OR2A25: variants seen among roughly 807,000 people sequenced by gnomAD.
OR2A25 encodes the protein olfactory receptor family 2 subfamily A member 25.
For missense variants in OR2A25, 362 were observed against 368.3 expected, an observed-to-expected ratio of 0.98 and a Z score of 0.14; for synonymous variants, 162 against 148.1, an observed-to-expected ratio of 1.09 and a Z score of -0.68.
At chr7:144,071,685 T>A (rs73156569) in intron 1 of OR2A25, among the ~76,000 whole-genome samples, 93 of 152,294 alleles carry the variant, frequency 6.1e-4, no homozygotes, top group Middle Eastern at 3.4e-3. Context: ...TGTGGATTTA[T>A]ATTTTGTGAT....
Position 144,074,822 on chromosome 7 carries a change from G to T in OR2A25, c.603G>T (p.Gly201=). The T allele has an allele frequency of 6.2e-7, 1 of 1,614,180 alleles. No individual in the cohort carries two copies. Among genetic ancestry groups the T allele is most frequent in the East Asian group, 2.2e-5 (1 of 44,888 alleles). The stretch of plus-strand genomic sequence containing the variant: ...TTAATGAGGTAATGGTTTTGGCAGG[G>T]GCAGTGTCTGTGCTGGTGGGAGCCT... ...THINEVMVLA[G]AVSVLVGAFF... Residue 201 remains glycine, a synonymous_variant, in exon 2 of 2, where the codon GGG becomes GGT. Transcript: ENST00000641663.
At position 144,075,264 on chromosome 7, in the gene OR2A25, T is replaced by C; in HGVS notation, c.*112T>C. On this transcript the variant is annotated 3_prime_UTR_variant, in exon 2 of 2. Coordinates refer to ENST00000641663, the MANE Select transcript of OR2A25 (RefSeq NM_001386096.1). ...CTCTAGAGAACCCTTTCCATCTTCT[T>C]GAAATTTTCCTATGACTACCTCCCG... is the stretch of plus-strand genomic sequence containing the variant. 1 of 814,552 alleles carries C rather than the reference T, an allele frequency of 1.2e-6. No individual in the cohort carries two copies. The highest frequency in any genetic ancestry group is 2.0e-6 in the Non-Finnish European group (1 of 511,848). The allele number at this position is 814,552 out of a possible 1,614,324, so 50.5% of individuals were successfully genotyped here. A position where few individuals can be genotyped will look rare whatever the true frequency, so the allele number is the denominator to read the frequency against.
chr7:144,072,091 T>C (rs1586890644), intron 1 of OR2A25, among the ~76,000 whole-genome samples: 1 of 152,236 alleles, frequency 6.6e-6, no homozygotes, highest in South Asian at 2.1e-4. Context: ...CTACTTTGAA[T>C]TATGATTCTT....
At chr7:144,073,300 A>G (rs1308410168) in intron 1 of OR2A25, among the ~76,000 whole-genome samples, 1 of 152,140 alleles carries the variant, frequency 6.6e-6, no homozygotes, top group Non-Finnish European at 1.5e-5. Flanking sequence ...GCCCAAGTAC[A>G]CAGATTTGAT....
At chr7:144,072,774 A>G (rs2051076617) in intron 1 of OR2A25, among the ~76,000 whole-genome samples, 1 of 152,176 alleles carries the variant, frequency 6.6e-6, no homozygotes, top group Non-Finnish European at 1.5e-5. Context: ...TGAACATATC[A>G]AAAAGATATC....
rs780503338 is a variant in OR2A25, at chr7:144,074,489, C to T, written c.270C>T (p.Pro90=). The change falls in exon 2 of 2, where the codon CCC becomes CCT. Residue 90 remains proline, a synonymous_variant. Transcript: ENST00000641663. Reference sequence around the variant, plus strand: ...TGAACCTCCTGCATCCAGCCAAGCCCATCTCCTTTGCTGGCTGCATGACCC... The same window carrying T: ...TGAACCTCCTGCATCCAGCCAAGCCTATCTCCTTTGCTGGCTGCATGACCC... ...MLVNLLHPAK[P]ISFAGCMTQM... 6.2e-7 allele frequency: 1 copy of T among 1,614,236 alleles called. No homozygotes were observed. Among genetic ancestry groups the T allele is most frequent in the South Asian group, 1.1e-5 (1 of 91,082 alleles).
intron 1 of OR2A25, among the ~76,000 whole-genome samples, chr7:144,070,927 G>A (rs777173424): frequency 1.3e-5 from 2 of 151,774 alleles, no homozygotes; most frequent in East Asian, 3.9e-4. Flanking sequence ...AGGGAATGAG[G>A]CACCCAGACC....
chr7:144,070,380 T>C (rs936557782), intron 1 of OR2A25: 1 of 152,146 alleles, frequency 6.6e-6, no homozygotes, highest in African/African-American at 2.4e-5. Flanking sequence ...TTGTTAATCC[T>C]GATGTAAAAT....
intron 1 of OR2A25, among the ~76,000 whole-genome samples, chr7:144,071,791 T>C (rs2051069078): frequency 6.6e-6 from 1 of 152,168 alleles, no homozygotes; most frequent in African/African-American, 2.4e-5. Flanking sequence ...AGTAGCATTG[T>C]TATCTTCATT....
rs1586892971 is a variant in OR2A25 at position 144,075,470 on chromosome 7, T to C, written c.*318T>C. ...GTAAATAAGACTTGAAGGCGAATTT[T>C]TGTAGAATAAGGATATGGGAGTTAG... On this transcript the variant is annotated 3_prime_UTR_variant, in exon 2 of 2. Transcript: ENST00000641663. The C allele has an allele frequency of 5.0e-6, 1 of 200,292 alleles. No individual in the cohort carries two copies. Among genetic ancestry groups the C allele is most frequent in the African/African-American group, 2.3e-5 (1 of 42,584 alleles). 12.4% of individuals were successfully genotyped at this position (200,292 alleles called of 1,614,324 possible).
At position 144,075,078 on chromosome 7, in the gene OR2A25, C is replaced by G. The variant is rs776164670; in HGVS notation, c.859C>G (p.Leu287Val). 6.2e-7 allele frequency: 1 copy of G among 1,614,110 alleles called. No individual in the cohort carries two copies. The highest frequency in any genetic ancestry group is 2.2e-5 in the East Asian group (1 of 44,872). ...CCTCTTCAATCCCATGCTTAATCCC[C>G]TAATTTATAGTCTTAGGAACAAGGA... is the stretch of plus-strand genomic sequence containing the variant. ...HSLFNPMLNP[L>V]IYSLRNKEVQ... Residue 287 changes from leucine to valine, a missense_variant, in exon 2 of 2, where the codon CTA (leucine) becomes GTA (valine). Transcript: ENST00000641663.
In OR2A25 at chr7:144,074,912, G is replaced by A; in HGVS notation, c.693G>A (p.Glu231=). 1 of 1,614,086 alleles carries A rather than the reference G, an allele frequency of 6.2e-7. No homozygotes were observed. Among genetic ancestry groups the A allele is most frequent in the Non-Finnish European group, 8.5e-7 (1 of 1,179,994 alleles). ...LCAILKIQSG[E]GCQKAFSICS... is the part of the protein sequence containing the mutation. ...CCATTCTAAAGATCCAGTCAGGAGA[G>A]GGGTGCCAGAAAGCCTTCTCCATCT... The change falls in exon 2 of 2, where the codon GAG becomes GAA. Residue 231 remains glutamate (E), a synonymous_variant. Coordinates refer to ENST00000641663, the MANE Select transcript of OR2A25 (RefSeq NM_001386096.1).
In OR2A25 at chr7:144,074,783, T is replaced by C; in HGVS notation, c.564T>C (p.Cys188=). The C allele has an allele frequency of 6.2e-7, 1 of 1,614,222 alleles. No individual in the cohort carries two copies. The highest frequency in any genetic ancestry group is 1.6e-4 in the Middle Eastern group (1 of 6,062). The change falls in exon 2 of 2, where the codon TGT becomes TGC. Residue 188 remains cysteine (C), a synonymous_variant. Coordinates refer to ENST00000641663, the MANE Select transcript of OR2A25 (RefSeq NM_001386096.1). ...TTATGGCTGTTCTCAAACTTGCCTG[T>C]GCGGATACCCACATTAATGAGGTAA... ...CEIMAVLKLA[C]ADTHINEVMV... is the part of the protein sequence containing the mutation.
rs2051109444 is a variant in OR2A25 at position 144,075,792 on chromosome 7, C to T, written c.*640C>T. On this transcript the variant is annotated 3_prime_UTR_variant, in exon 2 of 2. Coordinates refer to ENST00000641663, the MANE Select transcript of OR2A25 (RefSeq NM_001386096.1). ...CTTGCAGTGAGCTGAGATGGCGCCA[C>T]TGCACTCCAACCTGGGGGACACAGC... The T allele has an allele frequency of 6.8e-6, 1 of 148,058 alleles. No individual in the cohort carries two copies. Among genetic ancestry groups the T allele is most frequent in the Non-Finnish European group, 1.5e-5 (1 of 67,736 alleles). 9.2% of individuals were successfully genotyped at this position (148,058 alleles called of 1,614,324 possible). A position where few individuals can be genotyped will look rare whatever the true frequency, so the allele number is the denominator to read the frequency against.
At chr7:144,071,593 A>G (rs2051067518) in intron 1 of OR2A25, among the ~76,000 whole-genome samples, 1 of 152,134 alleles carries the variant, frequency 6.6e-6, no homozygotes, top group Admixed American at 6.6e-5. Flanking sequence ...CAACCAGGTT[A>G]CATGTGCCTA....
At chr7:144,070,631 G>A (rs1005298172) in intron 1 of OR2A25, among the ~76,000 whole-genome samples, 2 of 151,652 alleles carry the variant, frequency 1.3e-5, no homozygotes, top group African/African-American at 4.9e-5. Flanking sequence ...GTTGTTTGTG[G>A]GGGGTTGCCT....
rs998188259 is a variant in OR2A25, at chr7:144,072,809, C to G, written c.-4-1407C>G. Among the ~76,000 whole-genome samples, 46 of 152,076 alleles carry G rather than the reference C, an allele frequency of 3.0e-4. 1 individual carries two copies. Among genetic ancestry groups the G allele is most frequent in the Admixed American group, 2.8e-3 (43 of 15,278 alleles). The stretch of plus-strand genomic sequence containing the variant: ...CTTCACAGCCATGTTTATTGCAGCA[C>G]TATTCACAGTAACCAAAATATGGAA... On this transcript the variant is annotated intron_variant, in intron 1 of 1. Transcript: ENST00000641663.
chr7:144,074,462 G>A lies in OR2A25; in HGVS notation c.243G>A (p.Leu81=), dbSNP rs764252745. ...ACACSTVPQM[L]VNLLHPAKPI... ...CTTGCAGCACGGTGCCCCAGATGCT[G>A]GTGAACCTCCTGCATCCAGCCAAGC... The change falls in exon 2 of 2, where the codon CTG becomes CTA. Residue 81 remains leucine, a synonymous_variant. Transcript: ENST00000641663. 1.9e-6 allele frequency: 3 copies of A among 1,614,142 alleles called. No homozygotes were observed. The highest frequency in any genetic ancestry group is 8.5e-7 in the Non-Finnish European group (1 of 1,180,026).
intron 1 of OR2A25, among the ~76,000 whole-genome samples, chr7:144,073,171 A>G (rs2051080192): frequency 6.6e-6 from 1 of 152,148 alleles, no homozygotes; most frequent in Non-Finnish European, 1.5e-5. Context: ...CTAGTGTTCA[A>G]TGGATTAGAA....
Sources: gnomAD v4.1 joint callset for allele counts (sites outside exome capture counted in the v4.1 genomes callset) on GRCh38, gnomAD v4.1.1 for gene constraint, MANE v1.5 for transcripts, NCBI Gene and HGNC (gene_info 2026-07-23, HGNC 2026-07-21) for gene names.